Variants in SPART observed in about 807,000 individuals in gnomAD.
SPART encodes spartin.
SPART carries 35 observed loss-of-function variants against 58.7 expected under a neutral mutation model. That is an observed-to-expected ratio of 0.60 (90% CI 0.46 to 0.79). The LOEUF is 0.79. Among genes scored for constraint, SPART ranks in the 30% least tolerant of loss-of-function variants. The probability of loss-of-function intolerance (pLI) is 0.00; values close to 1 mark genes in which losing one functional copy is unlikely to be tolerated. For synonymous variants in SPART, 284 were observed against 280.7 expected (o/e 1.01, Z -0.12); for missense variants, 730 against 786.1 (o/e 0.93, Z 0.85).
intron 8 of SPART, among the ~76,000 whole-genome samples, chr13:36,307,481 G>A (rs950203818): frequency 2.0e-5 from 3 of 151,866 alleles, no homozygotes; most frequent in Non-Finnish European, 4.4e-5. Context: ...CCATAAAACA[G>A]TAAATTTTCT....
chr13:36,355,774 C>G (rs1885599466), intron 1 of SPART, among the ~76,000 whole-genome samples: 1 of 151,972 alleles, frequency 6.6e-6, no homozygotes, highest in African/African-American at 2.4e-5. Context: ...AAGTGGGGGT[C>G]GAAACATGAC....
At position 36,326,667 on chromosome 13, in the gene SPART, A is replaced by AG; in HGVS notation, c.1195dup (p.Leu399ProfsTer8). On this transcript the variant is annotated frameshift_variant, in exon 5 of 9. Coordinates refer to ENST00000438666, the MANE Select transcript of SPART (RefSeq NM_015087.5). LOFTEE classifies it high-confidence loss of function. ...TGGCTCACATGGTACAATGTGACTCAGGTTAACTTCTTCACTTGAAGTATC... is the reference window on the plus strand; with the variant it reads ...TGGCTCACATGGTACAATGTGACTCAGGGTTAACTTCTTCACTTGAAGTATC... The AG allele has an allele frequency of 6.2e-7, 1 of 1,613,336 alleles. No individual in the cohort carries two copies. The highest frequency in any genetic ancestry group is 8.5e-7 in the Non-Finnish European group (1 of 1,179,814).
At chr13:36,346,102 AC>A (rs1256371035) in intron 1 of SPART, 122 bp downstream of exon 1, 1 of 150,606 alleles carries the variant, frequency 6.6e-6, no homozygotes, top group Non-Finnish European at 1.5e-5. Context: ...TGAGGTCCCC[AC>A]CCCCTCCACC....
At chr13:36,361,835 T>G (rs183148812) in intron 1 of SPART, among the ~76,000 whole-genome samples, 3 of 152,362 alleles carry the variant, frequency 2.0e-5, no homozygotes, top group Admixed American at 2.0e-4. Context: ...TACTGATGAC[T>G]ATTGTAATCT....
chr13:36,360,023 C>T (rs867043638), intron 1 of SPART, among the ~76,000 whole-genome samples: 9 of 150,718 alleles, frequency 6.0e-5, no homozygotes, highest in Middle Eastern at 3.5e-3. Flanking sequence ...AGGCTGGGCG[C>T]GGTGGCTCAT....
intron 1 of SPART, among the ~76,000 whole-genome samples, chr13:36,365,235 G>A (rs1156520423): frequency 6.6e-6 from 1 of 152,086 alleles, no homozygotes; most frequent in African/African-American, 2.4e-5. Context: ...AGCAACAGAT[G>A]GTTAAAGTAA....
rs76510892 is a variant in SPART at position 36,313,129 on chromosome 13, C to T, written c.1484-652G>A. ...AGAGCAAGGATTTAGAAGTACATTG[C>T]TTGGGAAGGTTGGCACCAGAATCAC... is the stretch of plus-strand genomic sequence containing the variant. On this transcript the variant is annotated intron_variant, in intron 6 of 8. Transcript: ENST00000438666. Among the ~76,000 whole-genome samples the T allele has an allele frequency of 3.1e-4, 47 of 152,212 alleles. No homozygotes were observed. In the East Asian group the frequency reaches 7.5e-3, roughly 24 times the overall value.
In SPART at chr13:36,354,655, G is replaced by A. The variant is rs76261485; in HGVS notation, c.-3+15434C>T. 8.5e-3 allele frequency among the ~76,000 whole-genome samples: 1,293 copies of A among 152,282 alleles called. 7 individuals are homozygous for A. Among genetic ancestry groups the A allele is most frequent in the Middle Eastern group, 0.017 (5 of 294 alleles). ...GTTTTCTCCTGGACTTTGCCTCTGT[G>A]CACCTTTTCCCATTGCTAATTTTAA... is the stretch of plus-strand genomic sequence containing the variant. On this transcript the variant is annotated intron_variant, in intron 1 of 8. Transcript: ENST00000355182.
intron 5 of SPART, among the ~76,000 whole-genome samples, chr13:36,315,954 A>G (rs947989288): frequency 1.3e-5 from 2 of 152,252 alleles, no homozygotes; most frequent in East Asian, 1.9e-4. Context: ...ATAATCACAT[A>G]TCACCATGGA....
At chr13:36,334,680 C>T (rs1593262818) in intron 2 of SPART, among the ~76,000 whole-genome samples, 1 of 152,162 alleles carries the variant, frequency 6.6e-6, no homozygotes, top group Admixed American at 6.5e-5. Flanking sequence ...TGAATATTTA[C>T]AGCTATACAT....
intron 1 of SPART, among the ~76,000 whole-genome samples, 151 bp downstream of exon 1, chr13:36,346,074 C>G (rs1444136000): frequency 6.6e-6 from 1 of 152,180 alleles, no homozygotes; most frequent in African/African-American, 2.4e-5. Context: ...CTCGAAAATT[C>G]CATCTCTGAG....
chr13:36,328,584 G>A (rs1244255730), intron 4 of SPART, among the ~76,000 whole-genome samples: 1 of 152,102 alleles, frequency 6.6e-6, no homozygotes, highest in Admixed American at 6.6e-5. Flanking sequence ...TTGCTAATCT[G>A]TTCTTTCCAT....
At chr13:36,369,688 G>A (rs972585610) in intron 1 of SPART, 4 of 152,276 alleles carry the variant, frequency 2.6e-5, no homozygotes, top group Admixed American at 1.3e-4. Context: ...ACAAACAAAG[G>A]AGTCAACTCT....
intron 5 of SPART, among the ~76,000 whole-genome samples, chr13:36,317,284 C>A (rs556880419): frequency 1.3e-5 from 2 of 152,136 alleles, no homozygotes; most frequent in Non-Finnish European, 2.9e-5. Context: ...TGTCTCTACC[C>A]CTTCTCTGCT....
chr13:36,338,871 A>T (rs73169247), intron 1 of SPART, among the ~76,000 whole-genome samples: 2,978 of 152,174 alleles, frequency 0.02, 49 homozygotes, highest in Middle Eastern at 0.041. Flanking sequence ...AGAGTTCCCT[A>T]AGGAAAACTG....
Position 36,301,965 on chromosome 13 carries a change from G to A in SPART, c.*2400C>T, listed in dbSNP as rs908058803. 6.6e-6 allele frequency: 1 copy of A among 152,080 alleles called. No homozygotes were observed. The highest frequency in any genetic ancestry group is 2.4e-5 in the African/African-American group (1 of 41,394). 9.4% of individuals were successfully genotyped at this position (152,080 alleles called of 1,614,324 possible). A position where few individuals can be genotyped will look rare whatever the true frequency, so the allele number is the denominator to read the frequency against. ...CATCCATGCATATAAGCGCAAGAAT[G>A]AATTTTAAACATAAACTCAAAAAAG... On this transcript the variant is annotated 3_prime_UTR_variant, in exon 9 of 9. Transcript: ENST00000438666.
At chr13:36,359,794 T>G (rs947937638) in intron 1 of SPART, among the ~76,000 whole-genome samples, 2 of 152,146 alleles carry the variant, frequency 1.3e-5, no homozygotes, top group African/African-American at 4.8e-5. Flanking sequence ...GTTTGCTGTA[T>G]TCATCTGTGT....
At chr13:36,324,541 T>C (rs528230874) in intron 5 of SPART, among the ~76,000 whole-genome samples, 2 of 152,188 alleles carry the variant, frequency 1.3e-5, no homozygotes, top group African/African-American at 4.8e-5. Flanking sequence ...GAAAGAGATA[T>C]AAGCCACTCC....
intron 6 of SPART, 171 bp downstream of exon 6, chr13:36,314,056 T>C: frequency 3.0e-6 from 2 of 656,270 alleles, no homozygotes; most frequent in Non-Finnish European, 5.2e-6. Context: ...GATAGGACGA[T>C]GTGATGTTGC....
Sources: gnomAD v4.1 joint callset for allele counts (sites outside exome capture counted in the v4.1 genomes callset) on GRCh38, gnomAD v4.1.1 for gene constraint, MANE v1.5 for transcripts, NCBI Gene and HGNC (gene_info 2026-07-23, HGNC 2026-07-21) for gene names.